VIPR2: variants seen among roughly 807,000 people sequenced by gnomAD.
VIPR2 encodes vasoactive intestinal polypeptide receptor 2.
In VIPR2, 48 loss-of-function variants were observed where a neutral mutation model predicts 58.0. The observed-to-expected ratio is 0.83, with a 90% CI of 0.66 to 1.05. The LOEUF is 1.05. Ranked by LOEUF, VIPR2 falls within the 50% of genes least tolerant of loss-of-function variation. VIPR2 has a pLI of 0.00. For missense variants in VIPR2, 534 were observed against 558.0 expected, an observed-to-expected ratio of 0.96 and a Z score of 0.43; for synonymous variants, 243 against 235.2, an observed-to-expected ratio of 1.03 and a Z score of -0.30.
intron 2 of VIPR2, among the ~76,000 whole-genome samples, chr7:159,134,651 A>G (rs1797120256): frequency 6.6e-6 from 1 of 151,918 alleles, no homozygotes; most frequent in African/African-American, 2.4e-5. Flanking sequence ...TTAATAGTGC[A>G]ATATTTTCTT....
At chr7:159,144,245 C>G (rs1797594462) in intron 1 of VIPR2, 1 of 1,322,104 alleles carries the variant, frequency 7.6e-7, no homozygotes, top group Non-Finnish European at 9.7e-7. Context: ...CAACTATTTC[C>G]AAAAGGAAAC....
chr7:159,141,479 G>A (rs1005669879), intron 2 of VIPR2, among the ~76,000 whole-genome samples: 2 of 152,228 alleles, frequency 1.3e-5, no homozygotes, highest in African/African-American at 4.8e-5. Flanking sequence ...GGCCGCCTGT[G>A]GCTACTGGAC....
intron 2 of VIPR2, among the ~76,000 whole-genome samples, chr7:159,141,832 A>T (rs1797479994): frequency 6.6e-6 from 1 of 152,206 alleles, no homozygotes; most frequent in African/African-American, 2.4e-5. Context: ...GAGCAGAGAA[A>T]GCTGAGGGAC....
chr7:159,117,379 T>C (rs1796276744), intron 2 of VIPR2: 6 of 717,302 alleles, frequency 8.4e-6, no homozygotes, highest in Non-Finnish European at 1.3e-5. Context: ...ACCTCCGGCG[T>C]GAATGAGGAT....
At chr7:159,119,112 G>A (rs1226278619) in intron 2 of VIPR2, among the ~76,000 whole-genome samples, 1 of 152,174 alleles carries the variant, frequency 6.6e-6, no homozygotes, top group Non-Finnish European at 1.5e-5. Flanking sequence ...GCTGGAATGG[G>A]GTCACCATGT....
At chr7:159,144,492 C>T (rs1229610402) in intron 1 of VIPR2, 1 of 1,537,854 alleles carries the variant, frequency 6.5e-7, no homozygotes. Flanking sequence ...CGGGGAAGGG[C>T]GCAGGCAGCC....
At chr7:159,112,452 C>G (rs1018165089) in intron 2 of VIPR2, among the ~76,000 whole-genome samples, 11 of 152,260 alleles carry the variant, frequency 7.2e-5, no homozygotes, top group African/African-American at 2.7e-4. Flanking sequence ...ACAGGAGTTT[C>G]TCTCTCAGCT....
At position 159,096,832 on chromosome 7, in the gene VIPR2, C is replaced by A; in HGVS notation, c.357+6925G>T. ...CACAGGCCCAGCTCTTGTCCCGGCCCACCTCGGGATGCTTCCGCCGTACTG... is the reference window on the plus strand; with the variant it reads ...CACAGGCCCAGCTCTTGTCCCGGCCAACCTCGGGATGCTTCCGCCGTACTG... On this transcript the variant is annotated intron_variant, in intron 4 of 12. Coordinates refer to ENST00000262178, the MANE Select transcript of VIPR2 (RefSeq NM_003382.5). This position sits in a 1 kb window ranked among gnomAD's most constrained non-coding sequence, Gnocchi z 5.5. 6.8e-7 allele frequency: 1 copy of A among 1,477,040 alleles called. No homozygotes were observed. The highest frequency in any genetic ancestry group is 2.2e-5 in the Admixed American group (1 of 44,522). 91.5% of individuals were successfully genotyped at this position (1,477,040 alleles called of 1,614,324 possible).
chr7:159,115,999 G>A (rs1273140694), intron 2 of VIPR2, among the ~76,000 whole-genome samples: 1 of 152,252 alleles, frequency 6.6e-6, no homozygotes, highest in Non-Finnish European at 1.5e-5. Context: ...CAGGGCTGCT[G>A]TGAGCTCCAC....
chr7:159,094,730 T>C (rs1483047571), intron 4 of VIPR2, among the ~76,000 whole-genome samples: 1 of 152,230 alleles, frequency 6.6e-6, no homozygotes. Flanking sequence ...CTCCATGCCG[T>C]GCCACACACC....
chr7:159,112,361 GC>G (rs1284139815), intron 2 of VIPR2, among the ~76,000 whole-genome samples: 5 of 152,330 alleles, frequency 3.3e-5, no homozygotes, highest in African/African-American at 1.2e-4. Context: ...AGCCGAAGGC[GC>G]AGCCGGAAGC....
At position 159,058,457 on chromosome 7, in the gene VIPR2, GA is replaced by G. The variant is rs1239029701; in HGVS notation, c.455+23del. On this transcript the variant is annotated intron_variant, in intron 5 of 12. Transcript: ENST00000262178. The stretch of plus-strand genomic sequence containing the variant: ...CTTTGCTTGTCTTGTATTCTTTGCA[GA>G]ATTACTAATTTCTGCTCCTTACCTG... 2.5e-6 allele frequency: 4 copies of G among 1,597,392 alleles called. No homozygotes were observed. The African/African-American group carries it at 5.4e-5, about 21-fold the overall frequency.
At chr7:159,118,986 AACACCC>A (rs1796350080) in intron 2 of VIPR2, among the ~76,000 whole-genome samples, 1 of 152,236 alleles carries the variant, frequency 6.6e-6, no homozygotes, top group Admixed American at 6.5e-5. Context: ...AACTGCTATA[AACACCC>A]ACACCCCAGG....
Position 159,114,836 on chromosome 7 carries a change from AAGGG to A in VIPR2, c.152-4921_152-4918del, listed in dbSNP as rs575886748. On this transcript the variant is annotated intron_variant, in intron 2 of 12. Transcript: ENST00000262178. ...GAGAGGGAGAGAGAAAGGAAGGAAGAAGGGAGGGAGGGAGGGAGCGGGGAGGGAA... is the reference window on the plus strand; with the variant it reads ...GAGAGGGAGAGAGAAAGGAAGGAAGAAGGGAGGGAGGGAGCGGGGAGGGAA... Among the ~76,000 whole-genome samples the A allele has an allele frequency of 3.1e-3, 441 of 141,528 alleles. 2 individuals are homozygous for A. Among genetic ancestry groups the A allele is most frequent in the African/African-American group, 9.5e-3 (377 of 39,570 alleles). The allele number at this position is 141,528 out of a possible 152,430, so 92.8% of individuals were successfully genotyped here.
At chr7:159,144,357 G>C (rs1797601128) in intron 1 of VIPR2, 1 of 1,539,702 alleles carries the variant, frequency 6.5e-7, no homozygotes, top group African/African-American at 1.4e-5. Flanking sequence ...CGATCTCCCC[G>C]TGAAACGCGC....
intron 8 of VIPR2, chr7:159,035,690 C>T (rs1295219188): frequency 1.0e-6 from 1 of 985,308 alleles, no homozygotes. Context: ...GGGGCTGCCC[C>T]AGTCTCTGCC....
intron 2 of VIPR2, among the ~76,000 whole-genome samples, chr7:159,130,646 A>G (rs56382838): frequency 0.17 from 25,300 of 152,144 alleles, 2,198 homozygotes; most frequent in African/African-American, 0.19. Flanking sequence ...GAAAAACCCT[A>G]GCCTCTGAGC....
intron 2 of VIPR2, among the ~76,000 whole-genome samples, chr7:159,126,998 G>C (rs2129497175): frequency 6.6e-6 from 1 of 152,260 alleles, no homozygotes; most frequent in Admixed American, 6.5e-5. Context: ...CATCCCCCTG[G>C]CTGGCAAGAG....
intron 4 of VIPR2, among the ~76,000 whole-genome samples, chr7:159,069,052 C>A (rs1393994145): frequency 6.6e-6 from 1 of 152,168 alleles, no homozygotes; most frequent in African/African-American, 2.4e-5. Flanking sequence ...CCGCGTGAAC[C>A]GTTCTGGTTC....
Sources: gnomAD v4.1 joint callset for allele counts (sites outside exome capture counted in the v4.1 genomes callset) on GRCh38, gnomAD v4.1.1 for gene constraint, Gnocchi (gnomAD v3.1) non-coding constraint, MANE v1.5 for transcripts, NCBI Gene and HGNC (gene_info 2026-07-23, HGNC 2026-07-21) for gene names.